Variants in BRINP3 observed in about 807,000 individuals in gnomAD.
BRINP3 encodes the protein BMP/retinoic acid-inducible neural-specific protein 3.
BRINP3 carries 19 observed loss-of-function variants against 71.0 expected under a neutral mutation model. The observed-to-expected ratio is 0.27, with a 90% CI of 0.19 to 0.39. The LOEUF (loss-of-function observed/expected upper bound fraction) is 0.39. BRINP3 is among the 10% of genes least tolerant of loss of function. The pLI is 1.00. For synonymous variants in BRINP3, 380 were observed against 337.7 expected (o/e 1.13, Z -1.37); for missense variants, 959 against 940.8 (o/e 1.02, Z -0.25).
intron 2 of BRINP3, among the ~76,000 whole-genome samples, chr1:190,307,258 GTTTTTTTTTTTTT>G (rs71123082): frequency 1.9e-5 from 1 of 52,596 alleles, no homozygotes; most frequent in African/African-American, 7.7e-5. Context: ...TTAAAACATT[GTTTTTTTTTTTTT>G]TTTTTTTTTT....
chr1:190,146,544 T>C (rs1448232337), intron 7 of BRINP3, among the ~76,000 whole-genome samples: 2 of 150,826 alleles, frequency 1.3e-5, no homozygotes, highest in Non-Finnish European at 2.9e-5. Flanking sequence ...AAATAGATTG[T>C]TTGAGTTTTA....
chr1:190,188,936 T>C (rs560794234), intron 6 of BRINP3, among the ~76,000 whole-genome samples: 22 of 152,140 alleles, frequency 1.4e-4, no homozygotes, highest in African/African-American at 5.3e-4. Context: ...AATTTTTGTA[T>C]TTTTAGTGGA....
chr1:190,280,334 T>A (rs1183690638), intron 3 of BRINP3, among the ~76,000 whole-genome samples: 1 of 151,866 alleles, frequency 6.6e-6, no homozygotes, highest in Admixed American at 6.6e-5. Context: ...TAAGGCTTTA[T>A]AAACCACAGG....
chr1:190,347,622 T>A (rs1460129819), intron 2 of BRINP3, among the ~76,000 whole-genome samples: 1 of 152,144 alleles, frequency 6.6e-6, no homozygotes, highest in African/African-American at 2.4e-5. Flanking sequence ...GAAATACCAA[T>A]TTTCCCAAAA....
chr1:190,209,416 T>G (rs566729188), intron 6 of BRINP3, among the ~76,000 whole-genome samples: 97 of 152,242 alleles, frequency 6.4e-4, no homozygotes, highest in Middle Eastern at 3.4e-3. Flanking sequence ...AAGCATATCA[T>G]GCCTGCCAGG....
At chr1:190,464,306 A>G (rs182895243) in intron 1 of BRINP3, among the ~76,000 whole-genome samples, 1 of 151,952 alleles carries the variant, frequency 6.6e-6, no homozygotes, top group Admixed American at 6.6e-5. Flanking sequence ...TTCAAAGACA[A>G]ATGTCTTGGT....
At position 190,097,896 on chromosome 1, in the gene BRINP3, A is replaced by G; in HGVS notation, c.*122T>C. 1 of 1,088,412 alleles carries G rather than the reference A, an allele frequency of 9.2e-7. No individual in the cohort carries two copies. The highest frequency in any genetic ancestry group is 1.3e-6 in the Non-Finnish European group (1 of 761,690). The allele number at this position is 1,088,412 out of a possible 1,614,324, so 67.4% of individuals were successfully genotyped here. Reference sequence around the variant, plus strand: ...TGTGTGTAAATTGCCATCCAATGTTATTGACTGATATAAGACAGATATTGA... The same window carrying G: ...TGTGTGTAAATTGCCATCCAATGTTGTTGACTGATATAAGACAGATATTGA... On this transcript the variant is annotated 3_prime_UTR_variant, in exon 8 of 8. Transcript: ENST00000367462.
chr1:190,384,407 A>C (rs1441710931), intron 2 of BRINP3, among the ~76,000 whole-genome samples: 1 of 151,880 alleles, frequency 6.6e-6, no homozygotes, highest in African/African-American at 2.4e-5. Context: ...ATATCAATGG[A>C]TTTAGGTATG....
intron 2 of BRINP3, among the ~76,000 whole-genome samples, chr1:190,347,501 G>A (rs191244769): frequency 2.5e-4 from 38 of 152,238 alleles, no homozygotes; most frequent in African/African-American, 9.1e-4. Flanking sequence ...ATCCGAGGAG[G>A]ATTGAGACTT....
intron 4 of BRINP3, among the ~76,000 whole-genome samples, chr1:190,244,401 A>G (rs1288162930): frequency 6.6e-6 from 1 of 152,078 alleles, no homozygotes; most frequent in Admixed American, 6.6e-5. Context: ...ATTGATACTC[A>G]CCTAGCATCT....
intron 2 of BRINP3, among the ~76,000 whole-genome samples, chr1:190,439,900 C>A (rs533633493): frequency 2.1e-3 from 312 of 151,844 alleles, no homozygotes; most frequent in Non-Finnish European, 3.8e-3. Flanking sequence ...CATTTTGATT[C>A]TTTTGATTTG....
intron 4 of BRINP3, among the ~76,000 whole-genome samples, chr1:190,260,265 G>C (rs1444250810): frequency 2.0e-5 from 3 of 151,982 alleles, no homozygotes; most frequent in African/African-American, 4.8e-5. Context: ...GTATCACCTA[G>C]TGGAAATTTG....
chr1:190,224,080 G>T (rs1657118371), intron 6 of BRINP3, among the ~76,000 whole-genome samples: 1 of 151,492 alleles, frequency 6.6e-6, no homozygotes, highest in Non-Finnish European at 1.5e-5. Context: ...GCAATTTACG[G>T]ATTCAGCACA....
intron 2 of BRINP3, among the ~76,000 whole-genome samples, chr1:190,284,427 A>T (rs1663267666): frequency 6.6e-6 from 1 of 152,062 alleles, no homozygotes; most frequent in African/African-American, 2.4e-5. Context: ...CAAAAATTAT[A>T]CAAAGATAAA....
intron 2 of BRINP3, among the ~76,000 whole-genome samples, chr1:190,423,970 A>G (rs973876948): frequency 6.6e-6 from 1 of 151,778 alleles, no homozygotes; most frequent in Non-Finnish European, 1.5e-5. Context: ...TATTGACTTC[A>G]CATTCTTAAA....
chr1:190,409,103 T>A (rs1231949970), intron 2 of BRINP3, among the ~76,000 whole-genome samples: 2 of 152,070 alleles, frequency 1.3e-5, no homozygotes, highest in Non-Finnish European at 2.9e-5. Flanking sequence ...GTGCTGAGGT[T>A]TAAAAACCTT....
intron 1 of BRINP3, among the ~76,000 whole-genome samples, chr1:190,471,139 G>A (rs1677110879): frequency 6.6e-6 from 1 of 151,076 alleles, no homozygotes; most frequent in Admixed American, 6.6e-5. Context: ...AACCTTCAAA[G>A]TTCTTTGTGA....
intron 2 of BRINP3, among the ~76,000 whole-genome samples, chr1:190,452,771 C>T (rs1675704403): frequency 6.6e-6 from 1 of 152,118 alleles, no homozygotes; most frequent in Non-Finnish European, 1.5e-5. Context: ...GCAGGAGAAT[C>T]GCTTAAACCC....
intron 3 of BRINP3, among the ~76,000 whole-genome samples, chr1:190,272,068 A>G (rs985935476): frequency 2.0e-5 from 3 of 151,526 alleles, no homozygotes; most frequent in East Asian, 1.9e-4. Flanking sequence ...ATCACAAATA[A>G]GAGGGATTTC....
Sources: allele counts gnomAD v4.1 joint callset (sites outside exome capture counted in the v4.1 genomes callset), GRCh38; gene constraint gnomAD v4.1.1; transcripts MANE v1.5; gene names NCBI Gene and HGNC (gene_info 2026-07-23, HGNC 2026-07-21).